Variants in EHMT1 observed in about 807,000 individuals in gnomAD.
EHMT1 encodes the protein histone-lysine N-methyltransferase EHMT1.
In EHMT1, 15 loss-of-function variants were observed where a neutral mutation model predicts 147.2. The ratio of observed to expected loss-of-function variants is 0.10; its 90% CI spans 0.07 to 0.16. The LOEUF is 0.16. Among genes scored for constraint, EHMT1 ranks in the 10% least tolerant of loss-of-function variants. The pLI is 1.00. For synonymous variants in EHMT1, 795 were observed against 709.6 expected (o/e 1.12, Z -1.91); for missense variants, 1,587 against 1,772.4 (o/e 0.90, Z 1.88).
rs777250686 is a variant in EHMT1, at chr9:137,800,898, C to T, written c.2626C>T (p.Pro876Ser). 5.0e-6 allele frequency: 8 copies of T among 1,613,998 alleles called. No individual in the cohort carries two copies. In the South Asian group the frequency reaches 6.6e-5, roughly 13 times the overall value. ...VNCQDDGGWT[P>S]MIWATEYKHV... is the part of the protein sequence containing the mutation. ...CTGGCAGGATGACGGAGGCTGGACA[C>T]CCATGATCTGGGCCACAGAGTACAA... The change falls in exon 18 of 27, where the codon CCC (proline) becomes TCC (serine). Residue 876 changes from proline to serine, a missense_variant. Transcript: ENST00000460843.
At chr9:137,834,063 G>C (rs1030693492) in intron 25 of EHMT1, 1 of 521,810 alleles carries the variant, frequency 1.9e-6, no homozygotes, top group African/African-American at 1.9e-5. Context: ...CACCGCGCTG[G>C]AAGCCCCATG....
chr9:137,758,899 G>T (rs1949585385), intron 9 of EHMT1, among the ~76,000 whole-genome samples: 1 of 152,086 alleles, frequency 6.6e-6, no homozygotes, highest in African/African-American at 2.4e-5. Flanking sequence ...AGGCCGAGGT[G>T]GGCAGATCAC....
In EHMT1 at chr9:137,809,932, T is replaced by C. The variant is rs1342175126; in HGVS notation, c.2713-1529T>C. ...CCCTGTGTGGACCGTCGGTGATGGGTCCGGAGGTGGTTCCGATGCCGCCCT... is the reference window on the plus strand; with the variant it reads ...CCCTGTGTGGACCGTCGGTGATGGGCCCGGAGGTGGTTCCGATGCCGCCCT... On this transcript the variant is annotated intron_variant, in intron 18 of 26. Transcript: ENST00000460843. Among the ~76,000 whole-genome samples the C allele has an allele frequency of 1.6e-3, 200 of 125,010 alleles. 13 individuals carry two copies. Among genetic ancestry groups the C allele is most frequent in the African/African-American group, 7.9e-3 (170 of 21,564 alleles). 82.0% of individuals were successfully genotyped at this position (125,010 alleles called of 152,430 possible).
intron 4 of EHMT1, among the ~76,000 whole-genome samples, chr9:137,742,618 G>T (rs1254281136): frequency 1.3e-5 from 2 of 152,170 alleles, no homozygotes; most frequent in African/African-American, 4.8e-5. Context: ...TCAGAATGGG[G>T]TTGGGAGCCC....
At chr9:137,722,419 G>T (rs915982283) in intron 3 of EHMT1, among the ~76,000 whole-genome samples, 1 of 152,264 alleles carries the variant, frequency 6.6e-6, no homozygotes, top group Non-Finnish European at 1.5e-5. Context: ...GAGAACTTGA[G>T]TGTTTTGAGG....
At chr9:137,705,766 C>T (rs1359983515) in intron 1 of EHMT1, among the ~76,000 whole-genome samples, 4 of 152,176 alleles carry the variant, frequency 2.6e-5, no homozygotes, top group African/African-American at 4.8e-5. Flanking sequence ...CACTCAGTCT[C>T]TTGTTGCTGT....
chr9:137,794,667 A>G (rs1271988737), intron 16 of EHMT1, among the ~76,000 whole-genome samples: 2 of 147,816 alleles, frequency 1.4e-5, no homozygotes, highest in African/African-American at 2.5e-5. Context: ...AAAAAAAAAA[A>G]GCTAGAGAAA....
At chr9:137,834,207 A>C (rs1044896865) in intron 25 of EHMT1, 142 bp from the exon 26 acceptor site, 20 of 1,100,914 alleles carry the variant, frequency 1.8e-5, no homozygotes, top group Non-Finnish European at 2.5e-5. Context: ...CCGCCGCCAC[A>C]GGTCACTGGA....
At chr9:137,811,253 C>T (rs1037253475) in intron 18 of EHMT1, among the ~76,000 whole-genome samples, 6 of 152,076 alleles carry the variant, frequency 3.9e-5, no homozygotes, top group African/African-American at 1.4e-4. Flanking sequence ...ACAAACAAAA[C>T]ATGAAACGAA....
chr9:137,741,841 T>G (rs1441719467), intron 4 of EHMT1, among the ~76,000 whole-genome samples: 2 of 152,180 alleles, frequency 1.3e-5, no homozygotes, highest in Non-Finnish European at 2.9e-5. Flanking sequence ...AAATCCATGT[T>G]CAAAAGTTGG....
At chr9:137,777,338 T>G (rs144890307) in intron 12 of EHMT1, 2 of 191,010 alleles carry the variant, frequency 1.0e-5, no homozygotes, top group East Asian at 2.8e-4. Flanking sequence ...AGTAAGAGGA[T>G]CTGATAAGAA....
chr9:137,696,390 G>A (rs1943395146), intron 1 of EHMT1, among the ~76,000 whole-genome samples: 1 of 152,200 alleles, frequency 6.6e-6, no homozygotes, highest in Admixed American at 6.5e-5. Flanking sequence ...GAGAAGACAA[G>A]TCTCTCTTCC....
At chr9:137,687,697 C>T (rs1424726093) in intron 1 of EHMT1, among the ~76,000 whole-genome samples, 1 of 152,194 alleles carries the variant, frequency 6.6e-6, no homozygotes, top group Non-Finnish European at 1.5e-5. Flanking sequence ...AAGAAGATGG[C>T]AGGCCATGAG....
At chr9:137,663,508 T>TA (rs1939304132) in intron 1 of EHMT1, among the ~76,000 whole-genome samples, 2 of 152,186 alleles carry the variant, frequency 1.3e-5, no homozygotes, top group African/African-American at 4.8e-5. Flanking sequence ...AAACATAAAC[T>TA]AAATAGTAAG....
At position 137,776,232 on chromosome 9, in the gene EHMT1, A is replaced by G. The variant is rs1008477599; in HGVS notation, c.1792-386A>G. 6.6e-6 allele frequency among the ~76,000 whole-genome samples: 1 copy of G among 152,046 alleles called. No individual in the cohort carries two copies. The highest frequency in any genetic ancestry group is 1.5e-5 in the Non-Finnish European group (1 of 68,010). The stretch of plus-strand genomic sequence containing the variant: ...ATCTGCTGCGCACTGCTGGGCACTG[A>G]GGCAGCTCCACCTGCCTGATGCTGT... On this transcript the variant is annotated intron_variant, in intron 11 of 26. Coordinates refer to ENST00000460843, the MANE Select transcript of EHMT1 (RefSeq NM_024757.5). This position sits in a 1 kb window ranked among gnomAD's most constrained non-coding sequence, Gnocchi z 4.4.
chr9:137,678,032 G>A (rs1469081493), intron 1 of EHMT1, among the ~76,000 whole-genome samples: 1 of 152,128 alleles, frequency 6.6e-6, no homozygotes, highest in Admixed American at 6.5e-5. Context: ...TGGCGCCACT[G>A]CACTCCAGCC....
intron 1 of EHMT1, among the ~76,000 whole-genome samples, chr9:137,677,578 A>C (rs1941487667): frequency 1.3e-5 from 2 of 151,752 alleles, no homozygotes; most frequent in Admixed American, 1.3e-4. Context: ...GGCGCCCGCC[A>C]CCACGCCCGG....
chr9:137,654,180 A>C (rs1313435526), intron 1 of EHMT1, among the ~76,000 whole-genome samples: 1 of 152,152 alleles, frequency 6.6e-6, no homozygotes, highest in Non-Finnish European at 1.5e-5. Flanking sequence ...CTTGGCCAAC[A>C]TGGCGAAACC....
rs1954611144 is a variant in EHMT1, at chr9:137,812,922, A to G, written c.2868-84A>G. On this transcript the variant is annotated intron_variant, in intron 19 of 26. Coordinates refer to ENST00000460843, the MANE Select transcript of EHMT1 (RefSeq NM_024757.5). The stretch of plus-strand genomic sequence containing the variant: ...AATAGTGTTCCCTTTATTGTTAGTG[A>G]TGACGGACATTTTATAAATCTCATC... 3 of 1,562,686 alleles carry G rather than the reference A, an allele frequency of 1.9e-6. No individual in the cohort carries two copies. The South Asian group carries it at 3.4e-5, about 17-fold the overall frequency.
Sources: allele counts gnomAD v4.1 joint callset (sites outside exome capture counted in the v4.1 genomes callset), GRCh38; gene constraint gnomAD v4.1.1; non-coding constraint Gnocchi (gnomAD v3.1); transcripts MANE v1.5; gene names NCBI Gene and HGNC (gene_info 2026-07-23, HGNC 2026-07-21).